The following HEXB variants were observed in gnomAD, a reference collection of about 807,000 sequenced individuals.
The protein encoded by HEXB is hexosaminidase subunit beta.
In HEXB, 51 loss-of-function variants were observed where a neutral mutation model predicts 71.2. The observed-to-expected ratio is 0.72, with a 90% CI of 0.57 to 0.90. The LOEUF is 0.90. HEXB is among the 40% of genes least tolerant of loss of function. The pLI is 0.00. For synonymous variants in HEXB, 266 were observed against 249.3 expected (o/e 1.07, Z -0.63); for missense variants, 617 against 677.0 (o/e 0.91, Z 0.98).
intron 10 of HEXB, 39 bp downstream of exon 10, chr5:74,718,402 A>C: frequency 7.0e-7 from 1 of 1,428,076 alleles, no homozygotes; most frequent in Non-Finnish European, 9.9e-7. Flanking sequence ...AATATAAGAG[A>C]CTTAATTATT....
intron 5 of HEXB, among the ~76,000 whole-genome samples, chr5:74,702,067 C>CTTTTTTTTTTTTTTTT (rs60295789): frequency 1.7e-5 from 1 of 60,554 alleles, no homozygotes; most frequent in Non-Finnish European, 2.9e-5. Context: ...CTTTCCTTGT[C>CTTTTTTTTTTTTTTTT]TTTTTTTTTT....
chr5:74,653,789 G>C (rs754875932), intron 1 of HEXB, among the ~76,000 whole-genome samples: 17 of 152,112 alleles, frequency 1.1e-4, no homozygotes, highest in Admixed American at 6.5e-4. Context: ...AGGCACAATG[G>C]AAAGATAGCA....
chr5:74,645,641 A>C (rs1241668995), intron 1 of HEXB, among the ~76,000 whole-genome samples: 3 of 152,138 alleles, frequency 2.0e-5, no homozygotes, highest in Non-Finnish European at 4.4e-5. Flanking sequence ...TGCTTACAGG[A>C]CTGGAGAGAG....
intron 5 of HEXB, among the ~76,000 whole-genome samples, chr5:74,701,319 C>G (rs1561220322): frequency 6.6e-6 from 1 of 152,046 alleles, no homozygotes; most frequent in African/African-American, 2.4e-5. Flanking sequence ...ATTTTAGTAT[C>G]ATTATACTTT....
At chr5:74,677,170 C>G (rs976619853) in intron 1 of HEXB, among the ~76,000 whole-genome samples, 1 of 152,172 alleles carries the variant, frequency 6.6e-6, no homozygotes, top group Non-Finnish European at 1.5e-5. Context: ...CATGAGTCAC[C>G]GCACCCAGCA....
chr5:74,692,348 A>AC (rs1317967841), intron 2 of HEXB, among the ~76,000 whole-genome samples: 1 of 151,798 alleles, frequency 6.6e-6, no homozygotes, highest in East Asian at 1.9e-4. Flanking sequence ...AAAAAAAAAA[A>AC]AAAAGAAAGA....
At chr5:74,658,964 A>G (rs1245025269) in intron 1 of HEXB, among the ~76,000 whole-genome samples, 3 of 152,172 alleles carry the variant, frequency 2.0e-5, no homozygotes, top group Non-Finnish European at 4.4e-5. Flanking sequence ...AACTGTGGGT[A>G]TATCCCCACA....
At chr5:74,646,553 G>A (rs1339303855) in intron 1 of HEXB, among the ~76,000 whole-genome samples, 1 of 151,380 alleles carries the variant, frequency 6.6e-6, no homozygotes, top group Non-Finnish European at 1.5e-5. Flanking sequence ...AGTTGACAAT[G>A]AACAAACAAT....
At chr5:74,707,660 G>T (rs1749432302) in intron 6 of HEXB, among the ~76,000 whole-genome samples, 1 of 152,192 alleles carries the variant, frequency 6.6e-6, no homozygotes, top group Non-Finnish European at 1.5e-5. Context: ...CTCAGGAGCT[G>T]ATGTGATCAA....
rs1184573477 is a variant in HEXB, at chr5:74,720,694, A to G, written c.1560A>G (p.Arg520=). The G allele has an allele frequency of 6.2e-7, 1 of 1,614,192 alleles. No individual in the cohort carries two copies. Among genetic ancestry groups the G allele is most frequent in the Admixed American group, 1.7e-5 (1 of 60,018 alleles). Residue 520 remains arginine, a synonymous_variant, in exon 13 of 14, where the codon AGA becomes AGG. Transcript: ENST00000261416. ...GACTCTGGAGTTCCAAAGATGTCAG[A>G]GATATGGATGACGCCTATGACAGAC... The part of the protein sequence containing the change: ...GERLWSSKDV[R]DMDDAYDRLT...
At chr5:74,687,293 A>C (rs1748896428) in intron 1 of HEXB, among the ~76,000 whole-genome samples, 1 of 152,236 alleles carries the variant, frequency 6.6e-6, no homozygotes, top group Admixed American at 6.5e-5. Flanking sequence ...GGGAGTGTTC[A>C]CAAAGTGCGA....
chr5:74,670,066 G>C (rs1484374032), intron 1 of HEXB, among the ~76,000 whole-genome samples: 2 of 152,122 alleles, frequency 1.3e-5, no homozygotes, highest in African/African-American at 4.8e-5. Context: ...TGAAAGCCAA[G>C]GTACTAGTCT....
At position 74,641,085 on chromosome 5, in the gene HEXB, C is replaced by G. The variant is rs1275328418; in HGVS notation, c.-377+527C>G. 6.6e-6 allele frequency: 1 copy of G among 152,156 alleles called. No individual in the cohort carries two copies. Among genetic ancestry groups the G allele is most frequent in the Non-Finnish European group, 1.5e-5 (1 of 68,034 alleles). The allele number at this position is 152,156 out of a possible 1,614,324, so 9.4% of individuals were successfully genotyped here. Reference sequence around the variant, plus strand: ...GCCTGGTTAATGGACAGCCCCGGATCTGAGGGACCCACCTTAGGGGAGCGC... The same window carrying G: ...GCCTGGTTAATGGACAGCCCCGGATGTGAGGGACCCACCTTAGGGGAGCGC... On this transcript the variant is annotated intron_variant, in intron 1 of 13. Transcript: ENST00000511181. This position sits in a 1 kb window ranked among gnomAD's most constrained non-coding sequence, Gnocchi z 4.1.
chr5:74,708,124 G>A (rs1232610238), intron 6 of HEXB, among the ~76,000 whole-genome samples: 3 of 151,908 alleles, frequency 2.0e-5, no homozygotes, highest in Admixed American at 6.6e-5. Flanking sequence ...GAAGACAGTG[G>A]GGGCCAATAT....
At position 74,713,685 on chromosome 5, in the gene HEXB, A is replaced by G. The variant is rs769441712; in HGVS notation, c.901+50A>G. 4.3e-5 allele frequency: 64 copies of G among 1,501,008 alleles called. No homozygotes were observed. The Middle Eastern group carries it at 9.3e-4, about 22-fold the overall frequency. The allele number at this position is 1,501,008 out of a possible 1,614,324, so 93.0% of individuals were successfully genotyped here. A position where few individuals can be genotyped will look rare whatever the true frequency, so the allele number is the denominator to read the frequency against. On this transcript the variant is annotated intron_variant, in intron 7 of 13. Coordinates refer to ENST00000261416, the MANE Select transcript of HEXB (RefSeq NM_000521.4). ...TTTATCTTATTTTTTATTTTTTGAGATGGAGTCTTGTTCTGTCACCCAGGC... is the reference window on the plus strand; with the variant it reads ...TTTATCTTATTTTTTATTTTTTGAGGTGGAGTCTTGTTCTGTCACCCAGGC...
intron 1 of HEXB, among the ~76,000 whole-genome samples, chr5:74,647,409 G>A (rs954383477): frequency 3.2e-4 from 48 of 152,236 alleles, no homozygotes; most frequent in African/African-American, 1.1e-3. Context: ...TACTCTGCAA[G>A]CACAGATGCT....
At chr5:74,712,380 C>T (rs200442617) in intron 6 of HEXB, among the ~76,000 whole-genome samples, 13 of 148,398 alleles carry the variant, frequency 8.8e-5, no homozygotes, top group East Asian at 6.0e-4. Flanking sequence ...TGTATACATA[C>T]GTAACTAACC....
chr5:74,705,152 G>T (rs113981783), intron 5 of HEXB, 67 bp from the exon 6 acceptor site: 16 of 829,992 alleles, frequency 1.9e-5, no homozygotes, highest in Non-Finnish European at 2.9e-5. Context: ...AATTCCAAAT[G>T]TAGATAGGTA....
intron 1 of HEXB, among the ~76,000 whole-genome samples, chr5:74,677,823 T>G (rs894770807): frequency 6.6e-6 from 1 of 152,178 alleles, no homozygotes; most frequent in African/African-American, 2.4e-5. Flanking sequence ...GTGCACAATG[T>G]ACCTAATGTG....
Sources: gnomAD v4.1 joint callset for allele counts (sites outside exome capture counted in the v4.1 genomes callset) on GRCh38, gnomAD v4.1.1 for gene constraint, Gnocchi (gnomAD v3.1) non-coding constraint, MANE v1.5 for transcripts, NCBI Gene and HGNC (gene_info 2026-07-23, HGNC 2026-07-21) for gene names.